Variants in CCDC102B observed in about 807,000 individuals in gnomAD.
CCDC102B encodes coiled-coil domain containing 102B.
In CCDC102B, 75 loss-of-function variants were observed where a neutral mutation model predicts 57.4. The ratio of observed to expected loss-of-function variants is 1.31; its 90% CI spans 1.08 to 1.58. CCDC102B has a LOEUF of 1.58. Ranked by LOEUF, CCDC102B falls within the 40% of genes most tolerant of loss-of-function variation. The pLI, the probability that CCDC102B is intolerant of heterozygous loss-of-function variation, is 0.00. For missense variants in CCDC102B, 636 were observed against 582.6 expected, an observed-to-expected ratio of 1.09 and a Z score of -0.94; for synonymous variants, 206 against 201.9, an observed-to-expected ratio of 1.02 and a Z score of -0.17.
intron 6 of CCDC102B, among the ~76,000 whole-genome samples, chr18:68,947,703 A>G (rs1223196385): frequency 1.3e-5 from 2 of 152,102 alleles, no homozygotes. Context: ...TTATTCTGCA[A>G]GGAGAGCTTG....
chr18:69,010,956 C>T lies in CCDC102B; in HGVS notation c.1286C>T (p.Ala429Val). ...KNQELLNLQH[A>V]YYKLNRQYQA... ...AAGGAATTACTGAACCTTCAACATG[C>T]CTACTATAAACTAAACAGACAATAC... The change falls in exon 7 of 8, where the codon GCC becomes GTC. Residue 429 changes from alanine to valine, a missense_variant. Ala to Val is a moderately conservative substitution (Grantham distance 64). Transcript: ENST00000360242. The T allele has an allele frequency of 1.3e-6, 2 of 1,598,350 alleles. No individual in the cohort carries two copies. The highest frequency in any genetic ancestry group is 1.1e-5 in the South Asian group (1 of 88,026).
intron 2 of CCDC102B, among the ~76,000 whole-genome samples, chr18:68,730,409 T>G (rs1053893062): frequency 6.6e-6 from 1 of 152,216 alleles, no homozygotes; most frequent in African/African-American, 2.4e-5. Context: ...GTTATTCATT[T>G]TTATAGACTT....
intron 7 of CCDC102B, among the ~76,000 whole-genome samples, chr18:69,040,283 GAGTGAA>G (rs2052397993): frequency 6.6e-6 from 1 of 151,812 alleles, no homozygotes; most frequent in African/African-American, 2.4e-5. Flanking sequence ...GAAAGCTCAT[GAGTGAA>G]AGTTATATAT....
Position 68,836,832 on chromosome 18 carries a change from T to G in CCDC102B, c.69T>G (p.Ile23Met). 6.2e-7 allele frequency: 1 copy of G among 1,613,922 alleles called. No homozygotes were observed. Among genetic ancestry groups the G allele is most frequent in the Non-Finnish European group, 8.5e-7 (1 of 1,179,922 alleles). The change falls in exon 2 of 8, where the codon ATT (isoleucine) becomes ATG (methionine). Residue 23 changes from isoleucine to methionine, a missense_variant. Coordinates refer to ENST00000360242, the MANE Select transcript of CCDC102B (RefSeq NM_024781.3). ...TCTTCCAGATGCAACAATCATCAATTAAGTCACGCGGCGACATGGTGGCAC... is the reference window on the plus strand; with the variant it reads ...TCTTCCAGATGCAACAATCATCAATGAAGTCACGCGGCGACATGGTGGCAC... ...TQIFQMQQSS[I>M]KSRGDMVAPA...
Position 68,905,945 on chromosome 18 carries a change from C to T in CCDC102B, c.1263+8517C>T, listed in dbSNP as rs182855421. 9.8e-3 allele frequency among the ~76,000 whole-genome samples: 1,488 copies of T among 152,012 alleles called. 26 individuals are homozygous for T. Among genetic ancestry groups the T allele is most frequent in the African/African-American group, 0.033 (1,351 of 41,466 alleles). On this transcript the variant is annotated intron_variant, in intron 6 of 7. Transcript: ENST00000360242. ...GGTAGCTGGGACTACAGGCGCCCGC[C>T]ACCACGCCCGGCTAATTTTTTGTAT...
Position 69,022,222 on chromosome 18 carries a change from T to TATATATATATATATATATAAAA in CCDC102B, c.1434+11119_1434+11120insTATATATATATATATATAAAAA, listed in dbSNP as rs1395799223. Among the ~76,000 whole-genome samples, 11 of 94,998 alleles carry TATATATATATATATATATAAAA rather than the reference T, an allele frequency of 1.2e-4. No individual in the cohort carries two copies. The East Asian group carries it at 1.5e-3, about 13-fold the overall frequency. 62.3% of individuals were successfully genotyped at this position (94,998 alleles called of 152,430 possible). On this transcript the variant is annotated intron_variant, in intron 7 of 7. Coordinates refer to ENST00000360242, the MANE Select transcript of CCDC102B (RefSeq NM_024781.3). ...ATATATATATATATATATATATATATAACACACACACACGCGTGCGTGTGC... is the reference window on the plus strand; with the variant it reads ...ATATATATATATATATATATATATATATATATATATATATATATAAAAAACACACACACACGCGTGCGTGTGC...
At chr18:68,808,280 T>C (rs1340766354) in intron 1 of CCDC102B, among the ~76,000 whole-genome samples, 1 of 152,050 alleles carries the variant, frequency 6.6e-6, no homozygotes, top group Non-Finnish European at 1.5e-5. Context: ...TTCATATAAA[T>C]ATAATAATTC....
intron 7 of CCDC102B, among the ~76,000 whole-genome samples, chr18:69,030,580 G>C (rs911621704): frequency 1.8e-4 from 27 of 152,130 alleles, no homozygotes; most frequent in Non-Finnish European, 3.7e-4. Context: ...ACTTCCACAA[G>C]AATATGGTCA....
chr18:68,951,846 A>G (rs951438751), intron 6 of CCDC102B, among the ~76,000 whole-genome samples: 11 of 151,746 alleles, frequency 7.2e-5, no homozygotes, highest in African/African-American at 2.7e-4. Flanking sequence ...AGGTTATTTT[A>G]TTATTCATGT....
intron 4 of CCDC102B, among the ~76,000 whole-genome samples, chr18:68,874,313 A>G (rs1437451757): frequency 6.6e-6 from 1 of 151,894 alleles, no homozygotes; most frequent in African/African-American, 2.4e-5. Context: ...GATTACAGAG[A>G]ATACTGAGGT....
intron 6 of CCDC102B, among the ~76,000 whole-genome samples, chr18:68,960,161 A>G (rs1227628670): frequency 7.2e-5 from 11 of 152,188 alleles, no homozygotes; most frequent in Admixed American, 7.2e-4. Flanking sequence ...AGTACTGCCT[A>G]TCGCTGCTGA....
chr18:68,745,990 C>T (rs1258804720), intron 2 of CCDC102B, among the ~76,000 whole-genome samples: 4 of 152,144 alleles, frequency 2.6e-5, no homozygotes, highest in African/African-American at 7.2e-5. Context: ...GATGCCAAGA[C>T]AGTTCTCCTG....
intron 5 of CCDC102B, among the ~76,000 whole-genome samples, chr18:68,881,644 C>G (rs2039696942): frequency 1.3e-5 from 2 of 152,112 alleles, no homozygotes; most frequent in Admixed American, 1.3e-4. Context: ...TGCCTAACTG[C>G]TTGAGCTGGA....
intron 1 of CCDC102B, among the ~76,000 whole-genome samples, chr18:68,831,798 C>T (rs2037151817): frequency 6.6e-6 from 1 of 152,056 alleles, no homozygotes; most frequent in South Asian, 2.1e-4. Flanking sequence ...CAGCTATAGT[C>T]TTCCATTTAA....
chr18:68,858,039 C>T lies in CCDC102B; in HGVS notation c.936+11618C>T, dbSNP rs1235012176. 4.6e-5 allele frequency among the ~76,000 whole-genome samples: 7 copies of T among 152,184 alleles called. No homozygotes were observed. In the East Asian group the frequency reaches 1.4e-3, roughly 29 times the overall value. ...ATCTATCTGGGATTCTCCCCACTGT[C>T]CTCAGAAAGATGTCTCAATTTTGGA... On this transcript the variant is annotated intron_variant, in intron 4 of 7. Coordinates refer to ENST00000360242, the MANE Select transcript of CCDC102B (RefSeq NM_024781.3).
chr18:69,039,204 T>C (rs901189474), intron 7 of CCDC102B, among the ~76,000 whole-genome samples: 13 of 152,004 alleles, frequency 8.6e-5, no homozygotes, highest in African/African-American at 2.9e-4. Context: ...ATGAATGCCA[T>C]AGGAAAACAG....
At chr18:69,022,222 T>TATATATATATATATAA (rs1395799223) in intron 7 of CCDC102B, among the ~76,000 whole-genome samples, 100 of 94,958 alleles carry the variant, frequency 1.1e-3, no homozygotes, top group African/African-American at 2.4e-3. Flanking sequence ...TATATATATA[T>TATATATATATATATAA]AACACACACA....
intron 6 of CCDC102B, among the ~76,000 whole-genome samples, chr18:68,900,735 T>C (rs2040419681): frequency 6.6e-6 from 1 of 152,166 alleles, no homozygotes; most frequent in African/African-American, 2.4e-5. Flanking sequence ...GAGTAAAAGT[T>C]GGTAAGCTCA....
At chr18:68,811,641 G>C (rs974118906) in intron 1 of CCDC102B, among the ~76,000 whole-genome samples, 4 of 152,016 alleles carry the variant, frequency 2.6e-5, no homozygotes, top group African/African-American at 4.8e-5. Context: ...AAAAACATAA[G>C]AAAGTCAACA....
Sources: allele counts gnomAD v4.1 joint callset (sites outside exome capture counted in the v4.1 genomes callset), GRCh38; gene constraint gnomAD v4.1.1; transcripts MANE v1.5; gene names NCBI Gene and HGNC (gene_info 2026-07-23, HGNC 2026-07-21).